The following RICTOR variants were observed in gnomAD, a reference collection of about 807,000 sequenced individuals.
The protein encoded by RICTOR is RPTOR independent companion of MTOR complex 2, also known as rapamycin-insensitive companion of mTOR.
A neutral mutation model predicts 214.9 loss-of-function variants in RICTOR; 49 were observed. The observed-to-expected ratio is 0.23, with a 90% CI of 0.18 to 0.29. The LOEUF (loss-of-function observed/expected upper bound fraction) is 0.29, where lower values mean the gene tolerates loss of function less well. Ranked by LOEUF, RICTOR falls within the 10% of genes least tolerant of loss-of-function variation. The pLI is 1.00. For synonymous variants in RICTOR, 717 were observed against 711.3 expected, an observed-to-expected ratio of 1.01 and a Z score of -0.13; for missense variants, 1,625 against 2,047.0, an observed-to-expected ratio of 0.79 and a Z score of 3.98.
intron 2 of RICTOR, among the ~76,000 whole-genome samples, chr5:39,033,190 A>C (rs537736249): frequency 1.3e-5 from 2 of 152,096 alleles, no homozygotes; most frequent in Admixed American, 6.5e-5. Flanking sequence ...TTAGGACTAC[A>C]TCTGCTCCAT....
chr5:39,033,902 T>C (rs962633384), intron 2 of RICTOR, among the ~76,000 whole-genome samples: 3 of 152,242 alleles, frequency 2.0e-5, no homozygotes, highest in Non-Finnish European at 2.9e-5. Flanking sequence ...TCAAGGACTC[T>C]GGGATTCAGA....
At position 38,990,692 on chromosome 5, in the gene RICTOR, T is replaced by A. The variant is rs373599218; in HGVS notation, c.583+257A>T. ...ATATATATCAGATATATCATATATA[T>A]GATATATATCAGATATGATATATAT... On this transcript the variant is annotated intron_variant, in intron 7 of 37. Transcript: ENST00000357387. Among the ~76,000 whole-genome samples, 53 of 34,562 alleles carry A rather than the reference T, an allele frequency of 1.5e-3. 2 individuals carry two copies. Among genetic ancestry groups the A allele is most frequent in the African/African-American group, 4.1e-3 (43 of 10,476 alleles). 22.7% of individuals were successfully genotyped at this position (34,562 alleles called of 152,430 possible). A position where few individuals can be genotyped will look rare whatever the true frequency, so the allele number is the denominator to read the frequency against.
Position 39,053,025 on chromosome 5 carries a change from T to C in RICTOR, c.97+21086A>G, listed in dbSNP as rs1175936438. Reference sequence around the variant, plus strand: ...TCCATGCTACTTTTAGCAATGAAATTTGTAAGAGTATCCAATTGATTAGAT... The same window carrying C: ...TCCATGCTACTTTTAGCAATGAAATCTGTAAGAGTATCCAATTGATTAGAT... On this transcript the variant is annotated intron_variant, in intron 2 of 37. Coordinates refer to ENST00000357387, the MANE Select transcript of RICTOR (RefSeq NM_152756.5). 2.0e-5 allele frequency among the ~76,000 whole-genome samples: 3 copies of C among 152,330 alleles called. No individual in the cohort carries two copies. The South Asian group carries it at 6.2e-4, about 32-fold the overall frequency.
intron 10 of RICTOR, among the ~76,000 whole-genome samples, chr5:38,973,787 T>C (rs1430498402): frequency 1.3e-5 from 2 of 152,184 alleles, no homozygotes; most frequent in South Asian, 2.1e-4. Context: ...TCTGTGCTAA[T>C]ATGGAAAACA....
At chr5:38,972,087 T>A (rs1750834910) in intron 10 of RICTOR, 128 bp from the exon 11 acceptor site, 3 of 545,608 alleles carry the variant, frequency 5.5e-6, no homozygotes, top group Non-Finnish European at 9.7e-6. Context: ...TATTTGGTCA[T>A]CATAAGAACT....
chr5:39,015,718 C>T (rs531610387), intron 3 of RICTOR, among the ~76,000 whole-genome samples: 25 of 152,004 alleles, frequency 1.6e-4, no homozygotes, highest in Non-Finnish European at 3.1e-4. Context: ...TAAGCAGACT[C>T]ACCATCTTAC....
rs967876647 is a variant in RICTOR at position 39,012,591 on chromosome 5, C to A, written c.195+8448G>T. On this transcript the variant is annotated intron_variant, in intron 3 of 37. Coordinates refer to ENST00000357387, the MANE Select transcript of RICTOR (RefSeq NM_152756.5). ...CAATTAGGTAGCAGTTTCGTCACTA[C>A]TATTTTTGCCGTTACTGTTGACATC... 3.9e-5 allele frequency among the ~76,000 whole-genome samples: 6 copies of A among 152,266 alleles called. No individual in the cohort carries two copies. The East Asian group carries it at 1.2e-3, about 29-fold the overall frequency.
intron 2 of RICTOR, among the ~76,000 whole-genome samples, chr5:39,072,757 G>T (rs990746449): frequency 1.3e-5 from 2 of 152,064 alleles, no homozygotes; most frequent in Admixed American, 6.5e-5. Flanking sequence ...AAAAAATGGT[G>T]GAAATTAGTG....
chr5:38,981,191 CAT>C (rs1751691013), intron 8 of RICTOR: 1 of 152,172 alleles, frequency 6.6e-6, no homozygotes, highest in African/African-American at 2.4e-5. Flanking sequence ...TTATATCACA[CAT>C]GATTTCATAC....
At chr5:39,042,186 A>G (rs1416950472) in intron 2 of RICTOR, among the ~76,000 whole-genome samples, 1 of 152,150 alleles carries the variant, frequency 6.6e-6, no homozygotes, top group Non-Finnish European at 1.5e-5. Context: ...AGAATGTCAT[A>G]CAACTAGATT....
intron 3 of RICTOR, among the ~76,000 whole-genome samples, chr5:39,018,883 A>C (rs1274079765): frequency 6.6e-6 from 1 of 152,188 alleles, no homozygotes; most frequent in African/African-American, 2.4e-5. Context: ...CTCTTGAGAC[A>C]AACAGGTAGC....
rs753682484 is a variant in RICTOR at position 39,002,617 on chromosome 5, G to A, written c.310C>T (p.Leu104=). The A allele has an allele frequency of 1.2e-6, 2 of 1,610,662 alleles. No individual in the cohort carries two copies. Among genetic ancestry groups the A allele is most frequent in the Non-Finnish European group, 1.7e-6 (2 of 1,178,246 alleles). Residue 104 remains leucine, a synonymous_variant, in exon 5 of 38, where the codon CTA becomes TTA. Coordinates refer to ENST00000357387, the MANE Select transcript of RICTOR (RefSeq NM_152756.5). ...TGGATGAGATATCGAAGCGCTCGTA[G>A]CCCTGCTGCTCGCACTTCTTTTGCT... is the stretch of plus-strand genomic sequence containing the variant. ...NEAKEVRAAG[L]RALRYLIQDS... is the part of the protein sequence containing the mutation.
At chr5:39,001,715 G>C (rs142813920) in intron 5 of RICTOR, among the ~76,000 whole-genome samples, 3 of 152,150 alleles carry the variant, frequency 2.0e-5, no homozygotes, top group African/African-American at 7.2e-5. Context: ...ATTTACAAAT[G>C]AGCAAAAGAT....
intron 36 of RICTOR, among the ~76,000 whole-genome samples, chr5:38,943,832 C>CAAAATAA (rs1747877376): frequency 6.6e-6 from 1 of 151,926 alleles, no homozygotes. Context: ...ATACAAAATA[C>CAAAATAA]AAAATAAAAA....
intron 2 of RICTOR, among the ~76,000 whole-genome samples, chr5:39,050,961 C>T (rs1268376524): frequency 6.6e-6 from 1 of 151,672 alleles, no homozygotes; most frequent in Non-Finnish European, 1.5e-5. Context: ...AAGTATGAAT[C>T]AATAGCAATT....
intron 3 of RICTOR, among the ~76,000 whole-genome samples, chr5:39,010,015 C>T (rs1033053989): frequency 6.6e-6 from 1 of 152,146 alleles, no homozygotes; most frequent in South Asian, 2.1e-4. Flanking sequence ...GTGTCCCCAC[C>T]AAAATCTCAC....
At chr5:38,962,659 G>GA (rs912462725) in intron 17 of RICTOR, 73 bp from the exon 18 acceptor site, 5 of 913,480 alleles carry the variant, frequency 5.5e-6, no homozygotes, top group Non-Finnish European at 6.7e-6. Flanking sequence ...GTTCAAATTT[G>GA]AAAAAATGAA....
At chr5:38,968,908 T>C (rs1395823683) in intron 11 of RICTOR, among the ~76,000 whole-genome samples, 1 of 151,280 alleles carries the variant, frequency 6.6e-6, no homozygotes, top group East Asian at 1.9e-4. Context: ...AAGACAGTGA[T>C]ACTGATGATC....
At chr5:38,994,606 C>G (rs181871447) in intron 6 of RICTOR, among the ~76,000 whole-genome samples, 110 of 152,192 alleles carry the variant, frequency 7.2e-4, no homozygotes, top group African/African-American at 2.5e-3. Context: ...CTATATCCCA[C>G]CACCAAATAT....
Sources: allele counts gnomAD v4.1 joint callset (sites outside exome capture counted in the v4.1 genomes callset), GRCh38; gene constraint gnomAD v4.1.1; transcripts MANE v1.5; gene names NCBI Gene and HGNC (gene_info 2026-07-23, HGNC 2026-07-21).